PPP1R21: variants seen among roughly 807,000 people sequenced by gnomAD.
PPP1R21 encodes the protein protein phosphatase 1 regulatory subunit 21.
Under a neutral mutation model 112.8 loss-of-function variants are expected in PPP1R21, and 85 were observed. That is an observed-to-expected ratio of 0.75 (90% confidence interval 0.63 to 0.90). The LOEUF is 0.90. Among genes scored for constraint, PPP1R21 ranks in the 40% least tolerant of loss-of-function variants. The probability of loss-of-function intolerance (pLI) is 0.00; values close to 1 mark genes in which losing one functional copy is unlikely to be tolerated. For missense variants in PPP1R21, 1,199 were observed against 901.5 expected (o/e 1.33, Z -4.23); for synonymous variants, 381 against 322.3 (o/e 1.18, Z -1.95).
Position 48,474,704 on chromosome 2 carries a change from C to A in PPP1R21, c.1110C>A (p.Ser370=), listed in dbSNP as rs751403873. 2 of 1,607,128 alleles carry A rather than the reference C, an allele frequency of 1.2e-6. No individual in the cohort carries two copies. The highest frequency in any genetic ancestry group is 2.2e-5 in the South Asian group (2 of 89,602). Reference sequence around the variant, plus strand: ...CTAGTTTAGAAGAAGAATGTGAATCCTCTCTTTGCACATCTGCGTTAAGAG... The same window carrying A: ...CTAGTTTAGAAGAAGAATGTGAATCATCTCTTTGCACATCTGCGTTAAGAG... ...QLKSLEEECE[S]SLCTSALRAR... is the part of the protein sequence containing the mutation. Residue 370 remains serine, a synonymous_variant, in exon 12 of 22, where the codon TCC becomes TCA. Transcript: ENST00000294952.
chr2:48,454,197 G>A lies in PPP1R21; in HGVS notation c.127-398G>A, dbSNP rs539825413. Among the ~76,000 whole-genome samples, 50 of 152,252 alleles carry A rather than the reference G, an allele frequency of 3.3e-4. 1 individual carries two copies. The highest frequency in any genetic ancestry group is 1.2e-3 in the African/African-American group (50 of 41,556). ...ACATGCTTGAACTCGGGTGGCGGAG[G>A]TTGCAGTGAGCTGAGATTGTGCCAC... is the stretch of plus-strand genomic sequence containing the variant. On this transcript the variant is annotated intron_variant, in intron 2 of 21. Coordinates refer to ENST00000294952, the MANE Select transcript of PPP1R21 (RefSeq NM_001135629.3).
intron 4 of PPP1R21, among the ~76,000 whole-genome samples, chr2:48,458,650 C>T (rs1168847555): frequency 2.0e-5 from 3 of 150,946 alleles, no homozygotes; most frequent in Non-Finnish European, 4.4e-5. Flanking sequence ...TATCCCTACC[C>T]CTGTTAAACT....
chr2:48,495,192 C>G (rs978533391), intron 15 of PPP1R21, among the ~76,000 whole-genome samples: 1 of 152,010 alleles, frequency 6.6e-6, no homozygotes, highest in Non-Finnish European at 1.5e-5. Context: ...GCTTTAAGTT[C>G]TTTATTGTTT....
chr2:48,511,370 G>T lies in PPP1R21; in HGVS notation c.2215G>T (p.Glu739Ter). The T allele has an allele frequency of 6.2e-7, 1 of 1,613,866 alleles. No individual in the cohort carries two copies. The highest frequency in any genetic ancestry group is 8.5e-7 in the Non-Finnish European group (1 of 1,179,972). ...DELTTTKRSYEDQLSMMSDHL... is the reference protein window; with the variant it reads ...DELTTTKRSY Reference sequence around the variant, plus strand: ...GCTGACAACTACCAAGAGGAGTTACGAGGATCAGTTAAGTATGATGAGTGA... The same window carrying T: ...GCTGACAACTACCAAGAGGAGTTACTAGGATCAGTTAAGTATGATGAGTGA... The change falls in exon 21 of 22, where the codon GAG becomes TAG. Residue 739 changes from glutamate to a stop codon, truncating the protein, a stop_gained. Transcript: ENST00000294952. LOFTEE classifies it high-confidence loss of function.
intron 1 of PPP1R21, chr2:48,441,479 A>C (rs1460402803): frequency 7.3e-5 from 15 of 206,774 alleles, no homozygotes; most frequent in Non-Finnish European, 1.4e-4. Context: ...GGGTAAATAG[A>C]GACATTCGGG....
At chr2:48,503,717 G>A (rs1381833614) in intron 17 of PPP1R21, among the ~76,000 whole-genome samples, 3 of 152,038 alleles carry the variant, frequency 2.0e-5, no homozygotes, top group African/African-American at 7.2e-5. Context: ...GGAGGCCGAG[G>A]CGGGTGGATC....
chr2:48,513,431 A>G (rs765926762), intron 21 of PPP1R21, among the ~76,000 whole-genome samples: 6 of 151,806 alleles, frequency 4.0e-5, no homozygotes, highest in Non-Finnish European at 5.9e-5. Flanking sequence ...GCTGGTCTCA[A>G]ACTCCCAGGC....
Position 48,469,469 on chromosome 2 carries a change from C to CATATAT in PPP1R21, c.898-1608_898-1603dup, listed in dbSNP as rs146311511. 1.1e-3 allele frequency among the ~76,000 whole-genome samples: 65 copies of CATATAT among 58,508 alleles called. 11 individuals are homozygous for CATATAT. The highest frequency in any genetic ancestry group is 4.0e-3 in the African/African-American group (59 of 14,896). The allele number at this position is 58,508 out of a possible 152,430, so 38.4% of individuals were successfully genotyped here. On this transcript the variant is annotated intron_variant, in intron 9 of 21. Transcript: ENST00000294952. Reference sequence around the variant, plus strand: ...AGAGAGAGCATATATATATATAGAGCATATATATATATATAGAGCATATAT... The same window carrying CATATAT: ...AGAGAGAGCATATATATATATAGAGCATATATATATATATATATATAGAGCATATAT...
chr2:48,510,177 C>A, intron 20 of PPP1R21, 64 bp downstream of exon 20: 1 of 1,241,546 alleles, frequency 8.1e-7, no homozygotes, highest in Non-Finnish European at 1.1e-6. Context: ...GGTAGCAAAG[C>A]AGCATTTCTT....
intron 2 of PPP1R21, among the ~76,000 whole-genome samples, chr2:48,452,397 C>A (rs767351439): frequency 2.0e-5 from 3 of 152,204 alleles, no homozygotes; most frequent in Non-Finnish European, 4.4e-5. Flanking sequence ...ATAACATTAT[C>A]ATCCCCATTA....
chr2:48,444,232 G>A (rs1284895401), intron 1 of PPP1R21, among the ~76,000 whole-genome samples: 1 of 152,156 alleles, frequency 6.6e-6, no homozygotes, highest in East Asian at 1.9e-4. Flanking sequence ...GCAATTAGAG[G>A]GTCATTTGAG....
Position 48,463,806 on chromosome 2 carries a change from A to G in PPP1R21, c.695-1131A>G, listed in dbSNP as rs188568721. ...GAGGACGGTTAGCTGAGGAAAGGAT[A>G]TGCAAGCAGTAGACCGAGGTGGAGG... is the stretch of plus-strand genomic sequence containing the variant. On this transcript the variant is annotated intron_variant, in intron 7 of 21. Transcript: ENST00000294952. 2.3e-3 allele frequency among the ~76,000 whole-genome samples: 355 copies of G among 151,960 alleles called. 1 individual carries two copies. The highest frequency in any genetic ancestry group is 3.1e-3 in the Non-Finnish European group (211 of 67,964).
intron 4 of PPP1R21, 151 bp from the exon 5 acceptor site, chr2:48,459,603 G>T: frequency 1.3e-6 from 1 of 767,652 alleles, no homozygotes. Flanking sequence ...GATATCCTGT[G>T]AGGATTTAAT....
At chr2:48,452,201 G>C (rs960900014) in intron 2 of PPP1R21, among the ~76,000 whole-genome samples, 4 of 152,192 alleles carry the variant, frequency 2.6e-5, no homozygotes, top group African/African-American at 9.7e-5. Context: ...GCCTGCGCTG[G>C]TGTTTCATAC....
intron 21 of PPP1R21, among the ~76,000 whole-genome samples, chr2:48,514,087 T>C (rs1451082315): frequency 2.9e-5 from 2 of 69,652 alleles, no homozygotes; most frequent in African/African-American, 1.5e-4. Flanking sequence ...TTTTTTTTTT[T>C]TTTTTTTTTG....
In PPP1R21 at chr2:48,514,124, C is replaced by T. The variant is rs553650009; in HGVS notation, c.2314-591C>T. ...GACAGAGTCTTGTTGCTCCATCTCCCGGGTTCATGCCATTCTCCCGGCGCC... is the reference window on the plus strand; with the variant it reads ...GACAGAGTCTTGTTGCTCCATCTCCTGGGTTCATGCCATTCTCCCGGCGCC... On this transcript the variant is annotated intron_variant, in intron 21 of 21. Transcript: ENST00000294952. Among the ~76,000 whole-genome samples the T allele has an allele frequency of 6.8e-4, 83 of 121,470 alleles. 1 individual carries two copies. Among genetic ancestry groups the T allele is most frequent in the African/African-American group, 2.6e-3 (77 of 30,176 alleles). 79.7% of individuals were successfully genotyped at this position (121,470 alleles called of 152,430 possible). A position where few individuals can be genotyped will look rare whatever the true frequency, so the allele number is the denominator to read the frequency against.
chr2:48,483,446 G>A (rs1669127476), intron 13 of PPP1R21, among the ~76,000 whole-genome samples: 1 of 152,072 alleles, frequency 6.6e-6, no homozygotes, highest in African/African-American at 2.4e-5. Context: ...GCCTCTCAAA[G>A]TTTTGGGATT....
intron 15 of PPP1R21, among the ~76,000 whole-genome samples, chr2:48,494,125 T>C (rs1572883495): frequency 6.8e-6 from 1 of 147,366 alleles, no homozygotes. Context: ...AGGTGCATGC[T>C]TGGGAGGCTG....
intron 1 of PPP1R21, among the ~76,000 whole-genome samples, chr2:48,443,328 C>T (rs538519183): frequency 1.3e-5 from 2 of 152,232 alleles, no homozygotes; most frequent in South Asian, 4.1e-4. Context: ...AGGTTAGATA[C>T]AGTTGAGGAA....
Sources: gnomAD v4.1 joint callset for allele counts (sites outside exome capture counted in the v4.1 genomes callset) on GRCh38, gnomAD v4.1.1 for gene constraint, MANE v1.5 for transcripts, NCBI Gene and HGNC (gene_info 2026-07-23, HGNC 2026-07-21) for gene names.